TMEM245: variants seen among roughly 807,000 people sequenced by gnomAD.
The protein encoded by TMEM245 is transmembrane protein 245.
Under a neutral mutation model 101.2 loss-of-function variants are expected in TMEM245, and 69 were observed. That is an observed-to-expected ratio of 0.68 (90% CI 0.56 to 0.83). The LOEUF (loss-of-function observed/expected upper bound fraction) is 0.83. Ranked by LOEUF, TMEM245 falls within the 40% of genes least tolerant of loss-of-function variation. TMEM245 has a pLI of 0.00. For missense variants in TMEM245, 1,075 were observed against 1,092.8 expected, an observed-to-expected ratio of 0.98 and a Z score of 0.23; for synonymous variants, 537 against 449.8, an observed-to-expected ratio of 1.19 and a Z score of -2.45.
In TMEM245 at chr9:109,019,407, T is replaced by A. The variant is rs1827552566; in HGVS notation, c.*1053A>T. The A allele has an allele frequency of 6.6e-6, 1 of 152,242 alleles. No individual in the cohort carries two copies. Among genetic ancestry groups the A allele is most frequent in the Admixed American group, 6.5e-5 (1 of 15,288 alleles). The allele number at this position is 152,242 out of a possible 1,614,324, so 9.4% of individuals were successfully genotyped here. On this transcript the variant is annotated 3_prime_UTR_variant, in exon 18 of 18. Transcript: ENST00000374586. ...TAATATAAAGCTATATGAAAGCTGA[T>A]GTGATGTACTTGTGAAATAGTATGT...
intron 14 of TMEM245, among the ~76,000 whole-genome samples, chr9:109,046,683 G>A (rs1828506821): frequency 6.6e-6 from 1 of 152,176 alleles, no homozygotes; most frequent in Non-Finnish European, 1.5e-5. Context: ...CATAGATGAT[G>A]ATTAATGACT....
intron 9 of TMEM245, among the ~76,000 whole-genome samples, chr9:109,070,682 A>T (rs1001977366): frequency 6.6e-6 from 1 of 152,168 alleles, no homozygotes; most frequent in Non-Finnish European, 1.5e-5. Context: ...TTATATCCTT[A>T]ATCAAAATAA....
chr9:109,083,925 A>AAAAAAAAAAAAAAAAAAC lies in TMEM245; in HGVS notation c.1344+2071_1344+2072insGTTTTTTTTTTTTTTTTT, dbSNP rs1554725114. 6.4e-5 allele frequency among the ~76,000 whole-genome samples: 9 copies of AAAAAAAAAAAAAAAAAAC among 140,876 alleles called. No individual in the cohort carries two copies. In the East Asian group the frequency reaches 1.4e-3, roughly 22 times the overall value. 92.4% of individuals were successfully genotyped at this position (140,876 alleles called of 152,430 possible). On this transcript the variant is annotated intron_variant, in intron 7 of 17. Transcript: ENST00000374586. ...ACAAAAAAAAAAAAAAAAAAAAAAA[A>AAAAAAAAAAAAAAAAAAC]AAAACACCAGGCATGGTGGTGCACA...
At chr9:109,040,852 T>A (rs1564174809) in intron 14 of TMEM245, among the ~76,000 whole-genome samples, 1 of 152,160 alleles carries the variant, frequency 6.6e-6, no homozygotes, top group Non-Finnish European at 1.5e-5. Flanking sequence ...CTGATGGGCA[T>A]TTGAGGTGTT....
At chr9:109,074,387 G>C (rs374739290) in intron 8 of TMEM245, among the ~76,000 whole-genome samples, 5 of 152,262 alleles carry the variant, frequency 3.3e-5, no homozygotes, top group Non-Finnish European at 7.3e-5. Context: ...ACAGAGAGGC[G>C]TAACAGCTCA....
chr9:109,075,872 CTTCCT>C (rs1325970442), intron 8 of TMEM245, among the ~76,000 whole-genome samples: 2 of 152,068 alleles, frequency 1.3e-5, no homozygotes, highest in East Asian at 1.9e-4. Context: ...TTATTATTTC[CTTCCT>C]TTCATTTACT....
rs565902651 is a variant in TMEM245, at chr9:109,075,864, A to G, written c.1450-2426T>C. The stretch of plus-strand genomic sequence containing the variant: ...TTTCCTTGATTTGCACCTGATCCTT[A>G]TTATTTCCTTCCTTTCATTTACTTT... On this transcript the variant is annotated intron_variant, in intron 8 of 17. Coordinates refer to ENST00000374586, the MANE Select transcript of TMEM245 (RefSeq NM_032012.4). Among the ~76,000 whole-genome samples the G allele has an allele frequency of 5.3e-5, 8 of 152,080 alleles. No individual in the cohort carries two copies. The South Asian group carries it at 1.7e-3, about 32-fold the overall frequency.
intron 3 of TMEM245, among the ~76,000 whole-genome samples, chr9:109,094,723 T>G (rs1411916364): frequency 6.6e-6 from 1 of 152,216 alleles, no homozygotes; most frequent in African/African-American, 2.4e-5. Context: ...CTACTATTTA[T>G]TTAAACTACC....
intron 15 of TMEM245, 111 bp downstream of exon 15, chr9:109,037,906 C>T (rs1191374760): frequency 2.5e-6 from 2 of 786,386 alleles, no homozygotes; most frequent in Admixed American, 2.7e-5. Context: ...CGATCTCAAG[C>T]CAAAAAATTT....
intron 14 of TMEM245, among the ~76,000 whole-genome samples, chr9:109,046,050 C>T (rs1828479669): frequency 6.6e-6 from 1 of 151,702 alleles, no homozygotes; most frequent in African/African-American, 2.4e-5. Flanking sequence ...TTTTTTTAAT[C>T]CAAATACTTT....
intron 12 of TMEM245, among the ~76,000 whole-genome samples, chr9:109,054,715 T>A (rs541874561): frequency 6.6e-6 from 1 of 152,272 alleles, no homozygotes; most frequent in East Asian, 1.9e-4. Context: ...TGAAAGATAA[T>A]ACAACATTAT....
chr9:109,073,823 A>C (rs558279733), intron 8 of TMEM245, among the ~76,000 whole-genome samples: 1 of 152,122 alleles, frequency 6.6e-6, no homozygotes, highest in East Asian at 1.9e-4. Context: ...GTGTGAGACA[A>C]ACAGGCAAAT....
At chr9:109,027,707 G>T (rs1330719227) in intron 17 of TMEM245, among the ~76,000 whole-genome samples, 1 of 151,724 alleles carries the variant, frequency 6.6e-6, no homozygotes, top group East Asian at 1.9e-4. Flanking sequence ...GTCTCGCTCT[G>T]TTGCCCAGGC....
intron 8 of TMEM245, among the ~76,000 whole-genome samples, chr9:109,073,761 G>T (rs1829404319): frequency 6.6e-6 from 1 of 151,076 alleles, no homozygotes; most frequent in East Asian, 1.9e-4. Context: ...ATGTGTTTGT[G>T]TATCTATGTA....
At chr9:109,048,679 G>A (rs1336429815) in intron 14 of TMEM245, among the ~76,000 whole-genome samples, 1 of 152,184 alleles carries the variant, frequency 6.6e-6, no homozygotes, top group Admixed American at 6.6e-5. Flanking sequence ...GATTACAGGA[G>A]GGGCTGAGAC....
chr9:109,101,864 T>C (rs1320394572), intron 3 of TMEM245, among the ~76,000 whole-genome samples: 2 of 152,220 alleles, frequency 1.3e-5, no homozygotes, highest in African/African-American at 4.8e-5. Context: ...AGAAGTCTTA[T>C]TACCCTTACA....
Position 109,036,398 on chromosome 9 carries a change from G to A in TMEM245, c.2225-18C>T. On this transcript the variant is annotated intron_variant, in intron 15 of 17. Coordinates refer to ENST00000374586, the MANE Select transcript of TMEM245 (RefSeq NM_032012.4). ...TGCTAATGCTGAAAAAAGAGTAAAAGAAAAACAACTTAACATCATCAGCAA... is the reference window on the plus strand; with the variant it reads ...TGCTAATGCTGAAAAAAGAGTAAAAAAAAAACAACTTAACATCATCAGCAA... The A allele has an allele frequency of 1.9e-6, 3 of 1,559,408 alleles. No homozygotes were observed. Among genetic ancestry groups the A allele is most frequent in the Non-Finnish European group, 2.6e-6 (3 of 1,158,280 alleles).
At chr9:109,079,413 GAGA>G (rs1829606016) in intron 8 of TMEM245, among the ~76,000 whole-genome samples, 1 of 151,898 alleles carries the variant, frequency 6.6e-6, no homozygotes, top group Admixed American at 6.6e-5. Context: ...TGAAGACTAT[GAGA>G]AGAACAGACA....
chr9:109,083,915 A>AAAAAAAAAAAAAAAAAAAAAAAAAAAAC (rs1171067579), intron 7 of TMEM245, among the ~76,000 whole-genome samples: 1 of 141,728 alleles, frequency 7.1e-6, no homozygotes, highest in Non-Finnish European at 1.5e-5. Context: ...AAAAAAAAAA[A>AAAAAAAAAAAAAAAAAAAAAAAAAAAAC]AAAAAAAAAA....
Sources: gnomAD v4.1 joint callset for allele counts (sites outside exome capture counted in the v4.1 genomes callset) on GRCh38, gnomAD v4.1.1 for gene constraint, MANE v1.5 for transcripts, NCBI Gene and HGNC (gene_info 2026-07-23, HGNC 2026-07-21) for gene names.